Variants in LONP1 observed in about 807,000 individuals in gnomAD.
LONP1 encodes lon protease homolog, mitochondrial.
A neutral mutation model predicts 98.5 loss-of-function variants in LONP1; 31 were observed. That is an observed-to-expected ratio of 0.31 (90% CI 0.24 to 0.42). LONP1 has a LOEUF of 0.42. Ranked by LOEUF, LONP1 falls within the 20% of genes least tolerant of loss-of-function variation. LONP1 has a pLI of 1.00. For synonymous variants in LONP1, 781 were observed against 594.7 expected, an observed-to-expected ratio of 1.31 and a Z score of -4.56; for missense variants, 1,336 against 1,350.6, an observed-to-expected ratio of 0.99 and a Z score of 0.17.
chr19:5,705,560 A>C (rs2145608335), intron 8 of LONP1, among the ~76,000 whole-genome samples: 1 of 151,840 alleles, frequency 6.6e-6, no homozygotes, highest in East Asian at 1.9e-4. Context: ...CCACCAGCTC[A>C]ACAGCCCCGA....
Position 5,719,641 on chromosome 19 carries a change from C to T in LONP1, c.429+63G>A, listed in dbSNP as rs1000415889. 58 of 1,611,502 alleles carry T rather than the reference C, an allele frequency of 3.6e-5. No individual in the cohort carries two copies. The East Asian group carries it at 1.2e-3, about 34-fold the overall frequency. On this transcript the variant is annotated intron_variant, in intron 1 of 17. Coordinates refer to ENST00000360614, the MANE Select transcript of LONP1 (RefSeq NM_004793.4). ...AAACACAAGGGCGCTCAAGTGATCC[C>T]ACGGTTCAGCCCGCTGCTTGCACAG...
chr19:5,693,311 T>C lies in LONP1; in HGVS notation c.2690A>G (p.Glu897Gly). The change falls in exon 17 of 18, where the codon GAG becomes GGG. Residue 897 changes from glutamate to glycine, a missense_variant. Glu to Gly is a moderately conservative substitution (Grantham distance 98). Transcript: ENST00000360614. ...AGGGACACTCACCGCAATGGTCTTC[T>C]CCTTGATGCCACCAACAGGCAGGAT... ...GKILPVGGIKEKTIAAKRAGV... is the reference protein window; with the variant it reads ...GKILPVGGIKGKTIAAKRAGV... The C allele has an allele frequency of 6.2e-7, 1 of 1,611,998 alleles. No homozygotes were observed. The highest frequency in any genetic ancestry group is 1.3e-5 in the African/African-American group (1 of 74,986).
intron 8 of LONP1, among the ~76,000 whole-genome samples, chr19:5,702,858 G>A (rs544941263): frequency 4.4e-4 from 66 of 151,142 alleles, no homozygotes; most frequent in African/African-American, 1.6e-3. Context: ...CTAATCTCAA[G>A]TACCCAGGGA....
chr19:5,695,821 G>A lies in LONP1; in HGVS notation c.2013+233C>T, dbSNP rs192964080. ...CGGGAGACAGAGTGTGTGGCCTGAC[G>A]GTGGTGGGCGGTGTTTTGGACAGTC... On this transcript the variant is annotated intron_variant, in intron 13 of 17. Transcript: ENST00000360614. Among the ~76,000 whole-genome samples, 1,207 of 152,316 alleles carry A rather than the reference G, an allele frequency of 7.9e-3. 9 individuals carry two copies. The highest frequency in any genetic ancestry group is 0.011 in the African/African-American group (463 of 41,560).
Position 5,699,189 on chromosome 19 carries a change from C to T in LONP1, c.1523G>A (p.Ser508Asn). Residue 508 changes from serine (S) to asparagine (N), a missense_variant, in exon 10 of 18, where the codon AGC becomes AAC. This residue lies in a region of LONP1 where 219 missense variants were observed against 241.0 expected (regional missense o/e 0.91). Transcript: ENST00000360614. The stretch of plus-strand genomic sequence containing the variant: ...GCCCTGGGTGGAGCCGCGGAGCTGG[C>T]TAACGGCAATGAACTCCTGCAGACA... ...KKRILEFIAV[S>N]QLRGSTQGKI... The T allele has an allele frequency of 6.6e-7, 1 of 1,505,964 alleles. No homozygotes were observed. Among genetic ancestry groups the T allele is most frequent in the East Asian group, 2.5e-5 (1 of 40,770 alleles). The allele number at this position is 1,505,964 out of a possible 1,614,324, so 93.3% of individuals were successfully genotyped here. A position where few individuals can be genotyped will look rare whatever the true frequency, so the allele number is the denominator to read the frequency against.
At position 5,692,091 on chromosome 19, in the gene LONP1, C is replaced by G. The variant is rs146338629; in HGVS notation, c.2821G>C (p.Glu941Gln). 7.4e-6 allele frequency: 12 copies of G among 1,614,048 alleles called. No homozygotes were observed. The African/African-American group carries it at 1.3e-4, about 18-fold the overall frequency. The change falls in exon 18 of 18, where the codon GAG (glutamate) becomes CAG (glutamine). Residue 941 changes from glutamate to glutamine, a missense_variant. Around this residue, in one of 5 missense-constraint regions of LONP1, gnomAD observed 555 missense variants for 542.6 expected, o/e 1.02. Transcript: ENST00000360614. Reference protein sequence around the residue: ...LEVHFVEHYREIFDIAFPDEQ... With the variant: ...LEVHFVEHYRQIFDIAFPDEQ... ...TCCGGGAAGGCGATGTCGAAGATCT[C>G]CCGGTAGTGTTCCACGAAGTGCACC... is the stretch of plus-strand genomic sequence containing the variant.
At position 5,693,730 on chromosome 19, in the gene LONP1, G is replaced by A. The variant is rs377193519; in HGVS notation, c.2360C>T (p.Pro787Leu). The A allele has an allele frequency of 6.2e-7, 1 of 1,613,994 alleles. No individual in the cohort carries two copies. The highest frequency in any genetic ancestry group is 1.6e-4 in the Middle Eastern group (1 of 6,062). Residue 787 changes from proline to leucine, a missense_variant, in exon 16 of 18, where the codon CCA (proline) becomes CTA (leucine). Coordinates refer to ENST00000360614, the MANE Select transcript of LONP1 (RefSeq NM_004793.4). ...TLFVETSLRR[P>L]QDKDAKGDKD... ...GTCACCCTTGGCATCCTTGTCCTGT[G>A]GCCGTCTCAGGGATGTCTCCACAAA...
rs940011824 is a variant in LONP1 at position 5,708,077 on chromosome 19, G to A, written c.933-251C>T. On this transcript the variant is annotated intron_variant, in intron 5 of 17. Coordinates refer to ENST00000360614, the MANE Select transcript of LONP1 (RefSeq NM_004793.4). ...GCCGTGCAGTGACCTCACCTCAGCA[G>A]TCTGCTCCCCACTCCCCCAGCCAAT... 9.8e-6 allele frequency: 6 copies of A among 609,644 alleles called. 1 individual carries two copies. In the African/African-American group the frequency reaches 1.1e-4, roughly 11 times the overall value. The allele number at this position is 609,644 out of a possible 1,614,324, so 37.8% of individuals were successfully genotyped here. A position where few individuals can be genotyped will look rare whatever the true frequency, so the allele number is the denominator to read the frequency against.
At chr19:5,702,442 C>G (rs924382923) in intron 8 of LONP1, among the ~76,000 whole-genome samples, 8 of 149,682 alleles carry the variant, frequency 5.3e-5, no homozygotes, top group Admixed American at 2.0e-4. Context: ...AAGTGAGGAG[C>G]CCCTCTGCCT....
chr19:5,692,593 C>T (rs573703997), intron 17 of LONP1, among the ~76,000 whole-genome samples: 3 of 152,252 alleles, frequency 2.0e-5, no homozygotes, highest in Admixed American at 6.5e-5. Context: ...CCAGGCCCTG[C>T]GTCACCCCCC....
In LONP1 at chr19:5,696,324, C is replaced by G; in HGVS notation, c.1821G>C (p.Leu607=). The change falls in exon 12 of 18, where the codon CTG becomes CTC. Residue 607 remains leucine (L), a synonymous_variant. Transcript: ENST00000360614. ...TCTGCTCTGGGTCCAGCAGCTCCAG[C>G]AGTGCCGACGACGGGTCCCCCTGGT... ...RGYQGDPSSA[L]LELLDPEQNA... The G allele has an allele frequency of 6.2e-7, 1 of 1,613,384 alleles. No individual in the cohort carries two copies. Among genetic ancestry groups the G allele is most frequent in the South Asian group, 1.1e-5 (1 of 91,084 alleles).
intron 1 of LONP1, 67 bp downstream of exon 1, chr19:5,719,637 A>G: frequency 1.9e-6 from 3 of 1,611,188 alleles, no homozygotes; most frequent in Non-Finnish European, 1.7e-6. Context: ...CGCTCAAGTG[A>G]TCCCACGGTT....
Position 5,699,020 on chromosome 19 carries a change from G to A in LONP1, c.1685+7C>T. 1.2e-6 allele frequency: 2 copies of A among 1,601,922 alleles called. No homozygotes were observed. The highest frequency in any genetic ancestry group is 1.7e-6 in the Non-Finnish European group (2 of 1,172,982). ...GTGCGTGGGGAGAGCTGTCAGGCCA[G>A]GCCTACCTGTGGCCCTTGATCTCAG... On this transcript the variant is annotated splice_region_variant and intron_variant, in intron 10 of 17. Coordinates refer to ENST00000360614, the MANE Select transcript of LONP1 (RefSeq NM_004793.4).
chr19:5,698,780 C>G (rs902935820), intron 10 of LONP1, among the ~76,000 whole-genome samples: 1 of 152,238 alleles, frequency 6.6e-6, no homozygotes, highest in African/African-American at 2.4e-5. Flanking sequence ...TGCTGAGGGC[C>G]GGCCCGAGAA....
Position 5,707,694 on chromosome 19 carries a change from C to A in LONP1, c.1062+3G>T. On this transcript the variant is annotated splice_donor_region_variant and intron_variant, in intron 6 of 17. Transcript: ENST00000360614. ...GGGGGCTGTGGAGGTGACGAGCACTCACATTGGTCTCTTCCAGGACGTCCT... is the reference window on the plus strand; with the variant it reads ...GGGGGCTGTGGAGGTGACGAGCACTAACATTGGTCTCTTCCAGGACGTCCT... 6.2e-7 allele frequency: 1 copy of A among 1,607,508 alleles called. No homozygotes were observed.
chr19:5,708,525 C>T (rs1599471080), intron 4 of LONP1, 122 bp from the exon 5 acceptor site: 3 of 402,236 alleles, frequency 7.5e-6, no homozygotes, highest in East Asian at 6.4e-5. Flanking sequence ...CCTCCGCCAA[C>T]TGGCCCTGGC....
chr19:5,718,472 G>A (rs371406066), intron 1 of LONP1, among the ~76,000 whole-genome samples: 11 of 146,042 alleles, frequency 7.5e-5, no homozygotes, highest in African/African-American at 2.8e-4. Context: ...AGTGCAACTT[G>A]GTCTCAAAAA....
At chr19:5,697,514 A>G (rs1568314290) in intron 10 of LONP1, among the ~76,000 whole-genome samples, 2 of 126,820 alleles carry the variant, frequency 1.6e-5, no homozygotes, top group East Asian at 5.0e-4. Flanking sequence ...GGAGGGGGGG[A>G]GAGAAGAGGG....
chr19:5,702,233 C>A (rs1489909378), intron 8 of LONP1, among the ~76,000 whole-genome samples: 1 of 144,328 alleles, frequency 6.9e-6, no homozygotes, highest in African/African-American at 2.6e-5. Context: ...CGGCTAGCCG[C>A]CCCGTCTGGG....
Sources: allele counts gnomAD v4.1 joint callset (sites outside exome capture counted in the v4.1 genomes callset), GRCh38; gene constraint gnomAD v4.1.1; regional missense constraint gnomAD v4.1.1; transcripts MANE v1.5; gene names NCBI Gene and HGNC (gene_info 2026-07-23, HGNC 2026-07-21).